Variants in PCDH11X observed in about 807,000 individuals in gnomAD.
PCDH11X encodes protocadherin 11 X-linked.
PCDH11X carries 18 observed loss-of-function variants against 53.3 expected under a neutral mutation model. That is an observed-to-expected ratio of 0.34 (90% CI 0.23 to 0.50). The LOEUF is 0.50. Ranked by LOEUF, PCDH11X falls within the 20% of genes least tolerant of loss-of-function variation. The pLI, the probability that PCDH11X is intolerant of heterozygous loss-of-function variation, is 0.98. For missense variants in PCDH11X, 570 were observed against 1,032.4 expected, an observed-to-expected ratio of 0.55 and a Z score of 6.14; for synonymous variants, 279 against 393.3, an observed-to-expected ratio of 0.71 and a Z score of 3.44.
chrX:92,241,185 GTTA>G (rs1238736737), intron 7 of PCDH11X, among the ~76,000 whole-genome samples: 1 of 111,307 alleles, frequency 9.0e-6, no homozygotes, highest in African/African-American at 3.3e-5. Flanking sequence ...TTTGAGCAGA[GTTA>G]TTATAAATTA....
chrX:92,122,793 T>C (rs1184877220), intron 6 of PCDH11X, among the ~76,000 whole-genome samples: 1 of 109,971 alleles, frequency 9.1e-6, no homozygotes, highest in African/African-American at 3.3e-5. Context: ...AAAACTTACC[T>C]GGGAATGGTG....
intron 7 of PCDH11X, among the ~76,000 whole-genome samples, chrX:92,235,531 T>C (rs1047596317): frequency 8.9e-6 from 1 of 111,914 alleles, no homozygotes; most frequent in Admixed American, 9.5e-5. Context: ...ATATGATATG[T>C]CACAATTTTC....
At chrX:92,337,491 G>C (rs966844006) in intron 8 of PCDH11X, among the ~76,000 whole-genome samples, 1 of 110,585 alleles carries the variant, frequency 9.0e-6, no homozygotes, top group African/African-American at 3.3e-5. Flanking sequence ...GAATGTCCTG[G>C]ATGTACTCAT....
chrX:92,133,533 AT>A (rs2065030991), intron 6 of PCDH11X, among the ~76,000 whole-genome samples: 1 of 111,239 alleles, frequency 9.0e-6, no homozygotes, highest in African/African-American at 3.3e-5. Flanking sequence ...CGCCGGGCTA[AT>A]TTTGTATTTT....
At chrX:92,189,293 A>C (rs1603140246) in intron 6 of PCDH11X, among the ~76,000 whole-genome samples, 1 of 111,408 alleles carries the variant, frequency 9.0e-6, no homozygotes, top group Non-Finnish European at 1.9e-5. Flanking sequence ...TCCACTTATA[A>C]GTGAGAACAT....
intron 6 of PCDH11X, among the ~76,000 whole-genome samples, chrX:91,945,144 A>G (rs1328160836): frequency 9.7e-6 from 1 of 103,523 alleles, no homozygotes; most frequent in African/African-American, 3.4e-5. Context: ...CATTGTTCCT[A>G]TGGAAATTAA....
At chrX:91,955,320 T>C (rs898621315) in intron 6 of PCDH11X, among the ~76,000 whole-genome samples, 3 of 108,950 alleles carry the variant, frequency 2.8e-5, no homozygotes, top group African/African-American at 1.0e-4. Context: ...ATGTGTCTGG[T>C]CTTGTACCAG....
chrX:92,528,104 C>T (rs967692102), intron 10 of PCDH11X, among the ~76,000 whole-genome samples: 18 of 111,487 alleles, frequency 1.6e-4, no homozygotes, highest in Non-Finnish European at 1.7e-4. Context: ...ATAGTGAAAA[C>T]GGTCTCTTTA....
At chrX:92,251,207 C>T (rs2067455409) in intron 7 of PCDH11X, among the ~76,000 whole-genome samples, 1 of 110,362 alleles carries the variant, frequency 9.1e-6, no homozygotes, top group African/African-American at 3.3e-5. Context: ...AGCGGTAGAG[C>T]TAGGAGTTGA....
intron 7 of PCDH11X, among the ~76,000 whole-genome samples, chrX:92,241,132 T>G (rs747930595): frequency 8.9e-6 from 1 of 111,815 alleles, no homozygotes; most frequent in African/African-American, 3.2e-5. Context: ...GGTATGCATT[T>G]AAATATAAAT....
intron 4 of PCDH11X, among the ~76,000 whole-genome samples, chrX:91,818,752 C>T (rs2147576061): frequency 9.1e-6 from 1 of 109,927 alleles, no homozygotes; most frequent in Non-Finnish European, 1.9e-5. Context: ...TATTTTGGGG[C>T]TGCCTTAATG....
At chrX:92,499,440 G>A (rs1460220923) in intron 10 of PCDH11X, among the ~76,000 whole-genome samples, 10 of 61,027 alleles carry the variant, frequency 1.6e-4, no homozygotes, top group Non-Finnish European at 2.3e-4. Context: ...CTCATCTGGA[G>A]TTTGAAAAAA....
At chrX:92,013,257 A>C (rs747529643) in intron 6 of PCDH11X, among the ~76,000 whole-genome samples, 32 of 111,910 alleles carry the variant, frequency 2.9e-4, no homozygotes, top group African/African-American at 1.0e-3. Context: ...CAGAGAGCCA[A>C]ATCATGAGTG....
chrX:91,959,103 T>TA (rs1177112067), intron 6 of PCDH11X, among the ~76,000 whole-genome samples: 2 of 107,662 alleles, frequency 1.9e-5, no homozygotes, highest in African/African-American at 6.9e-5. Flanking sequence ...AAGTTAAACT[T>TA]AATTTTATGT....
intron 8 of PCDH11X, among the ~76,000 whole-genome samples, chrX:92,355,441 A>G (rs1453870965): frequency 4.3e-5 from 4 of 93,479 alleles, no homozygotes; most frequent in African/African-American, 1.2e-4. Flanking sequence ...AAAAAAAAAA[A>G]AAAAAAAGAA....
chrX:92,228,206 C>T (rs750115041), intron 7 of PCDH11X, among the ~76,000 whole-genome samples: 6 of 111,487 alleles, frequency 5.4e-5, no homozygotes, highest in Non-Finnish European at 7.5e-5. Flanking sequence ...TATTCTATTA[C>T]GCTGGACTAC....
intron 6 of PCDH11X, among the ~76,000 whole-genome samples, chrX:92,120,155 C>CT (rs764997941): frequency 0.034 from 2,082 of 60,419 alleles, 66 homozygotes; most frequent in African/African-American, 0.054. Context: ...ACTTTTCTTT[C>CT]TTTTTTTTTT....
intron 7 of PCDH11X, among the ~76,000 whole-genome samples, chrX:92,243,220 C>T (rs929110297): frequency 9.0e-6 from 1 of 111,708 alleles, no homozygotes; most frequent in Non-Finnish European, 1.9e-5. Context: ...TATAATTTTA[C>T]ACCTTACATT....
chrX:91,945,068 T>TATATATATATATA (rs61515084), intron 6 of PCDH11X, among the ~76,000 whole-genome samples: 9 of 89,975 alleles, frequency 1.0e-4, no homozygotes, highest in Admixed American at 1.4e-4. Flanking sequence ...TATATATATA[T>TATATATATATATA]TCTTAAATGT....
Sources: allele counts gnomAD v4.1 joint callset (sites outside exome capture counted in the v4.1 genomes callset), GRCh38; gene constraint gnomAD v4.1.1; transcripts MANE v1.5; gene names NCBI Gene and HGNC (gene_info 2026-07-23, HGNC 2026-07-21).